Variants in INVS observed in about 807,000 individuals in gnomAD.
INVS encodes inversion of embryo turning homolog.
A neutral mutation model predicts 108.8 loss-of-function variants in INVS; 86 were observed. The ratio of observed to expected loss-of-function variants is 0.79; its 90% CI spans 0.66 to 0.95. The LOEUF (loss-of-function observed/expected upper bound fraction) is 0.95, where lower values mean the gene tolerates loss of function less well. Ranked by LOEUF, INVS falls within the 40% of genes least tolerant of loss-of-function variation. The pLI is 0.00. For synonymous variants in INVS, 455 were observed against 473.5 expected (o/e 0.96, Z 0.51); for missense variants, 1,169 against 1,297.4 (o/e 0.90, Z 1.52).
chr9:100,118,764 G>A (rs987582402), intron 2 of INVS, among the ~76,000 whole-genome samples: 3 of 151,944 alleles, frequency 2.0e-5, no homozygotes, highest in African/African-American at 7.2e-5. Context: ...AGGTTCAAGC[G>A]ATTCTCCTGC....
At chr9:100,272,383 T>C (rs559321324) in intron 11 of INVS, among the ~76,000 whole-genome samples, 1 of 152,366 alleles carries the variant, frequency 6.6e-6, no homozygotes, top group South Asian at 2.1e-4. Context: ...ATTTATTTAG[T>C]AATCCATCTT....
chr9:100,297,551 G>A (rs1264395173), intron 15 of INVS, among the ~76,000 whole-genome samples: 1 of 152,108 alleles, frequency 6.6e-6, no homozygotes, highest in Non-Finnish European at 1.5e-5. Flanking sequence ...AGATGTTATA[G>A]GGTTGCCCAC....
At chr9:100,136,319 A>G (rs1828222832) in intron 3 of INVS, among the ~76,000 whole-genome samples, 1 of 152,212 alleles carries the variant, frequency 6.6e-6, no homozygotes, top group Non-Finnish European at 1.5e-5. Flanking sequence ...CTCTCCCAGT[A>G]TAACCGTCAC....
intron 10 of INVS, among the ~76,000 whole-genome samples, chr9:100,258,551 T>TAC (rs1832504108): frequency 6.6e-6 from 1 of 152,154 alleles, no homozygotes; most frequent in Admixed American, 6.5e-5. Context: ...TTTTATGGTC[T>TAC]TTGGTCTTTG....
intron 3 of INVS, among the ~76,000 whole-genome samples, chr9:100,133,768 C>CACACACACACAG (rs1828126642): frequency 1.0e-5 from 1 of 100,136 alleles, no homozygotes; most frequent in Non-Finnish European, 1.9e-5. Context: ...CAAAGCTACA[C>CACACACACACAG]ACACACACAC....
intron 8 of INVS, among the ~76,000 whole-genome samples, chr9:100,250,165 TG>T (rs1832182092): frequency 6.6e-6 from 1 of 152,162 alleles, no homozygotes; most frequent in African/African-American, 2.4e-5. Context: ...TGAAAAGTGC[TG>T]TAAGTTTATA....
chr9:100,145,321 G>C (rs998713145), intron 3 of INVS, among the ~76,000 whole-genome samples: 2 of 151,976 alleles, frequency 1.3e-5, no homozygotes, highest in South Asian at 2.1e-4. Context: ...TAAGAGGTCA[G>C]GGCACAGAAA....
At chr9:100,120,267 A>G (rs1428776847) in intron 2 of INVS, among the ~76,000 whole-genome samples, 5 of 152,194 alleles carry the variant, frequency 3.3e-5, no homozygotes, top group Non-Finnish European at 1.5e-5. Flanking sequence ...CAGATTCCTT[A>G]TAAATTACTG....
chr9:100,106,089 T>TC (rs1827170314), intron 2 of INVS, among the ~76,000 whole-genome samples: 1 of 152,064 alleles, frequency 6.6e-6, no homozygotes. Flanking sequence ...GACTGCCAGT[T>TC]CCCCCTCCTT....
chr9:100,123,842 G>T (rs1009835487), intron 2 of INVS, among the ~76,000 whole-genome samples: 7 of 152,252 alleles, frequency 4.6e-5, no homozygotes, highest in Middle Eastern at 3.4e-3. Flanking sequence ...TTTTTGTTCT[G>T]TTACCCAGGC....
At chr9:100,235,903 A>G (rs1831675092) in intron 5 of INVS, among the ~76,000 whole-genome samples, 1 of 152,052 alleles carries the variant, frequency 6.6e-6, no homozygotes, top group Admixed American at 6.6e-5. Flanking sequence ...CCTGAATTTG[A>G]ATATTGGCCT....
At chr9:100,198,497 G>A (rs1430744728) in intron 3 of INVS, among the ~76,000 whole-genome samples, 3 of 151,036 alleles carry the variant, frequency 2.0e-5, no homozygotes, top group African/African-American at 7.3e-5. Context: ...CTCCATGTTG[G>A]TCAGGCTGGT....
intron 3 of INVS, among the ~76,000 whole-genome samples, chr9:100,162,351 C>G (rs973066456): frequency 6.6e-6 from 1 of 152,080 alleles, no homozygotes; most frequent in Non-Finnish European, 1.5e-5. Context: ...GAGGTAATAT[C>G]CAGGGTTGAT....
intron 10 of INVS, among the ~76,000 whole-genome samples, chr9:100,260,709 A>G (rs71507673): frequency 0.011 from 1,648 of 152,304 alleles, 16 homozygotes; most frequent in African/African-American, 0.016. Context: ...TAGTTTAAGT[A>G]GTTAGCCTAA....
At chr9:100,284,296 C>T (rs1196427034) in intron 12 of INVS, 24 bp from the exon 13 acceptor site, 3 of 1,612,908 alleles carry the variant, frequency 1.9e-6, no homozygotes, top group African/African-American at 2.7e-5. Context: ...ATTTTTTCAT[C>T]TTCTTCTTTG....
chr9:100,202,219 C>T (rs921491936), intron 3 of INVS, among the ~76,000 whole-genome samples: 1 of 152,240 alleles, frequency 6.6e-6, no homozygotes, highest in Non-Finnish European at 1.5e-5. Flanking sequence ...AGTCCTTCCA[C>T]TTACTTTATA....
At chr9:100,262,670 T>G (rs909712295) in intron 10 of INVS, among the ~76,000 whole-genome samples, 1 of 150,300 alleles carries the variant, frequency 6.7e-6, no homozygotes, top group African/African-American at 2.4e-5. Context: ...AACTTGATAT[T>G]CATCTCCTCA....
chr9:100,142,233 C>T (rs1049223413), intron 3 of INVS, among the ~76,000 whole-genome samples: 1 of 151,884 alleles, frequency 6.6e-6, no homozygotes, highest in Non-Finnish European at 1.5e-5. Flanking sequence ...TGGTGGTGCA[C>T]GATATGAAAG....
At chr9:100,196,417 T>C (rs1830376884) in intron 3 of INVS, among the ~76,000 whole-genome samples, 1 of 152,152 alleles carries the variant, frequency 6.6e-6, no homozygotes, top group Admixed American at 6.5e-5. Context: ...TTAGTTTCCA[T>C]GGGACATCAG....
Sources: gnomAD v4.1 joint callset for allele counts (sites outside exome capture counted in the v4.1 genomes callset) on GRCh38, gnomAD v4.1.1 for gene constraint, MANE v1.5 for transcripts, NCBI Gene and HGNC (gene_info 2026-07-23, HGNC 2026-07-21) for gene names.